Variants in CAMK1D observed in about 807,000 individuals in gnomAD.
The protein encoded by CAMK1D is calcium/calmodulin dependent protein kinase ID.
Under a neutral mutation model 47.7 loss-of-function variants are expected in CAMK1D, and 9 were observed. That is an observed-to-expected ratio of 0.19 (90% confidence interval 0.11 to 0.33). The LOEUF is 0.33. CAMK1D is among the 10% of genes least tolerant of loss of function. The probability of loss-of-function intolerance (pLI) is 1.00; values close to 1 mark genes in which losing one functional copy is unlikely to be tolerated. For missense variants in CAMK1D, 291 were observed against 488.7 expected, an observed-to-expected ratio of 0.60 and a Z score of 3.81; for synonymous variants, 184 against 184.9, an observed-to-expected ratio of 0.99 and a Z score of 0.04.
At chr10:12,751,457 C>T (rs1248903397) in intron 3 of CAMK1D, among the ~76,000 whole-genome samples, 2 of 152,120 alleles carry the variant, frequency 1.3e-5, no homozygotes, top group African/African-American at 2.4e-5. Flanking sequence ...TTCATTTTTT[C>T]TCTGTGTAAG....
At chr10:12,679,510 A>G (rs75627426) in intron 3 of CAMK1D, among the ~76,000 whole-genome samples, 1,740 of 152,318 alleles carry the variant, frequency 0.011, 38 homozygotes, top group African/African-American at 0.039. Context: ...CTACACACGA[A>G]TAAATTTCAG....
intron 3 of CAMK1D, among the ~76,000 whole-genome samples, chr10:12,735,280 TC>T (rs1261952405): frequency 6.6e-6 from 1 of 152,146 alleles, no homozygotes; most frequent in Admixed American, 6.5e-5. Context: ...ATCAAGACCA[TC>T]CTGGGCTATC....
At chr10:12,693,999 T>TATATAAAATATAC (rs1833057885) in intron 3 of CAMK1D, among the ~76,000 whole-genome samples, 4 of 77,932 alleles carry the variant, frequency 5.1e-5, no homozygotes, top group Non-Finnish European at 6.9e-5. Flanking sequence ...ACATATAATA[T>TATATAAAATATAC]ATATAATATA....
Position 12,371,574 on chromosome 10 carries a change from G to GA in CAMK1D, c.92+21677dup, listed in dbSNP as rs543171191. ...CTGGGTGACAGAGCGAGACTGTCCC[G>GA]AAAAAAAAAAAAACCAAAAAAAAAC... On this transcript the variant is annotated intron_variant, in intron 1 of 10. Coordinates refer to ENST00000619168, the MANE Select transcript of CAMK1D (RefSeq NM_153498.4). 9.1e-3 allele frequency among the ~76,000 whole-genome samples: 948 copies of GA among 103,848 alleles called. 8 individuals are homozygous for GA. Among genetic ancestry groups the GA allele is most frequent in the East Asian group, 0.057 (188 of 3,318 alleles). 68.1% of individuals were successfully genotyped at this position (103,848 alleles called of 152,430 possible). A position where few individuals can be genotyped will look rare whatever the true frequency, so the allele number is the denominator to read the frequency against.
chr10:12,616,038 T>G (rs540123047), intron 2 of CAMK1D, among the ~76,000 whole-genome samples: 2 of 151,734 alleles, frequency 1.3e-5, no homozygotes. Flanking sequence ...TGTGTGGGTG[T>G]GTGAGTGCAC....
intron 1 of CAMK1D, among the ~76,000 whole-genome samples, chr10:12,543,180 C>T (rs965838629): frequency 5.3e-5 from 8 of 151,494 alleles, no homozygotes; most frequent in South Asian, 2.1e-4. Context: ...CCCGAGTTGC[C>T]GGGATTATAG....
At chr10:12,354,673 G>A (rs926878338) in intron 1 of CAMK1D, among the ~76,000 whole-genome samples, 23 of 152,040 alleles carry the variant, frequency 1.5e-4, no homozygotes, top group African/African-American at 5.5e-4. Context: ...GCCTCCCAAA[G>A]TGCTGGGATT....
At chr10:12,577,163 C>T (rs985896303) in intron 2 of CAMK1D, among the ~76,000 whole-genome samples, 1 of 151,282 alleles carries the variant, frequency 6.6e-6, no homozygotes, top group South Asian at 2.1e-4. Context: ...ATGCTGCAGT[C>T]CCCCCGGCCA....
chr10:12,558,243 C>T (rs1478319265), intron 2 of CAMK1D, among the ~76,000 whole-genome samples: 1 of 152,204 alleles, frequency 6.6e-6, no homozygotes, highest in East Asian at 1.9e-4. Flanking sequence ...ATTTCGAGGG[C>T]AGGCACTGCT....
At chr10:12,442,045 G>C (rs1832798067) in intron 1 of CAMK1D, among the ~76,000 whole-genome samples, 1 of 152,114 alleles carries the variant, frequency 6.6e-6, no homozygotes, top group Non-Finnish European at 1.5e-5. Flanking sequence ...AGTTATAAAA[G>C]ACAATCTCTT....
At chr10:12,693,148 G>C (rs1222414546) in intron 3 of CAMK1D, among the ~76,000 whole-genome samples, 1 of 152,110 alleles carries the variant, frequency 6.6e-6, no homozygotes, top group East Asian at 1.9e-4. Flanking sequence ...TAGGTCACTT[G>C]AGGTCAGGAG....
chr10:12,731,777 G>C (rs1834896251), intron 3 of CAMK1D, among the ~76,000 whole-genome samples: 1 of 152,164 alleles, frequency 6.6e-6, no homozygotes, highest in Non-Finnish European at 1.5e-5. Context: ...TCGGAATCTG[G>C]GTGTTAGAAG....
chr10:12,748,444 G>A (rs74118560), intron 3 of CAMK1D, among the ~76,000 whole-genome samples: 9 of 152,282 alleles, frequency 5.9e-5, no homozygotes, highest in East Asian at 3.9e-4. Flanking sequence ...GGGCACTGGC[G>A]TGTGACTCAG....
At position 12,832,560 on chromosome 10, in the gene CAMK1D, GAAAACATTCTACCCCTTC is replaced by G. The variant is rs1439003855; in HGVS notation, c.*3675_*3692del. 3 of 152,224 alleles carry G rather than the reference GAAAACATTCTACCCCTTC, an allele frequency of 2.0e-5. No homozygotes were observed. Among genetic ancestry groups the G allele is most frequent in the Non-Finnish European group, 2.9e-5 (2 of 68,056 alleles). 9.4% of individuals were successfully genotyped at this position (152,224 alleles called of 1,614,324 possible). A position where few individuals can be genotyped will look rare whatever the true frequency, so the allele number is the denominator to read the frequency against. On this transcript the variant is annotated 3_prime_UTR_variant, in exon 11 of 11. Coordinates refer to ENST00000619168, the MANE Select transcript of CAMK1D (RefSeq NM_153498.4). ...CTACCCCTGCCTCTGTCGGAGACTA[GAAAACATTCTACCCCTTC>G]AGGTCTTCTTTTAAAAGAAAAGAGC...
chr10:12,733,742 T>C (rs373690160), intron 3 of CAMK1D, among the ~76,000 whole-genome samples: 2 of 152,382 alleles, frequency 1.3e-5, no homozygotes, highest in South Asian at 2.1e-4. Context: ...TTAGCATTTC[T>C]TTGAGTTATT....
At chr10:12,491,647 C>T (rs571594657) in intron 1 of CAMK1D, among the ~76,000 whole-genome samples, 3 of 152,094 alleles carry the variant, frequency 2.0e-5, no homozygotes, top group South Asian at 2.1e-4. Flanking sequence ...CTCCCAGTAT[C>T]GCCGAGAGGA....
intron 2 of CAMK1D, among the ~76,000 whole-genome samples, chr10:12,560,507 C>T (rs1409467679): frequency 1.4e-5 from 2 of 145,550 alleles, no homozygotes; most frequent in East Asian, 2.0e-4. Flanking sequence ...GAGCCAGGAT[C>T]GCACCACTGC....
intron 3 of CAMK1D, among the ~76,000 whole-genome samples, chr10:12,702,022 A>C (rs1383242947): frequency 6.6e-6 from 1 of 152,132 alleles, no homozygotes; most frequent in African/African-American, 2.4e-5. Context: ...AATGTACATC[A>C]CTTCTCCCCA....
intron 1 of CAMK1D, among the ~76,000 whole-genome samples, chr10:12,503,891 C>T (rs771052581): frequency 1.3e-5 from 2 of 152,150 alleles, no homozygotes; most frequent in South Asian, 2.1e-4. Context: ...GGGAATATAC[C>T]GGACTGAGGA....
Sources: gnomAD v4.1 joint callset for allele counts (sites outside exome capture counted in the v4.1 genomes callset) on GRCh38, gnomAD v4.1.1 for gene constraint, MANE v1.5 for transcripts, NCBI Gene and HGNC (gene_info 2026-07-23, HGNC 2026-07-21) for gene names.